Variants in FHIT observed in about 807,000 individuals in gnomAD.
FHIT encodes fragile histidine triad diadenosine triphosphatase.
A neutral mutation model predicts 17.9 loss-of-function variants in FHIT; 19 were observed. The ratio of observed to expected loss-of-function variants is 1.06; its 90% CI spans 0.74 to 1.56. FHIT has a LOEUF of 1.56. FHIT is among the 40% of genes most tolerant of loss of function. The pLI, the probability that FHIT is intolerant of heterozygous loss-of-function variation, is 0.00. For synonymous variants in FHIT, 81 were observed against 69.7 expected, an observed-to-expected ratio of 1.16 and a Z score of -0.81; for missense variants, 248 against 189.2, an observed-to-expected ratio of 1.31 and a Z score of -1.82.
At chr3:61,054,218 A>T (rs2034133435) in intron 2 of FHIT, among the ~76,000 whole-genome samples, 1 of 152,232 alleles carries the variant, frequency 6.6e-6, no homozygotes, top group South Asian at 2.1e-4. Flanking sequence ...AGAGCACTGG[A>T]ACTGTATTTC....
rs188971371 is a variant in FHIT, at chr3:60,193,969, A to G, written c.104-179817T>C. ...GACGACACAAATGTGAAGACATCCAATGATCATGGATTGGAAGAATATCAT... is the reference window on the plus strand; with the variant it reads ...GACGACACAAATGTGAAGACATCCAGTGATCATGGATTGGAAGAATATCAT... On this transcript the variant is annotated intron_variant, in intron 5 of 9. Transcript: ENST00000492590. Among the ~76,000 whole-genome samples the G allele has an allele frequency of 6.6e-5, 10 of 152,350 alleles. No homozygotes were observed. The East Asian group carries it at 1.4e-3, about 21-fold the overall frequency.
chr3:59,954,304 G>A (rs1707285110), intron 7 of FHIT, among the ~76,000 whole-genome samples: 1 of 147,212 alleles, frequency 6.8e-6, no homozygotes. Context: ...TGGGTCTGAA[G>A]ATCCCAGGCT....
intron 7 of FHIT, among the ~76,000 whole-genome samples, chr3:59,970,355 C>A (rs1708118984): frequency 6.6e-6 from 1 of 152,092 alleles, no homozygotes; most frequent in Admixed American, 6.6e-5. Context: ...CGTAAAGAGG[C>A]ACCAATGCTC....
chr3:61,145,607 AT>A (rs2037205666), intron 2 of FHIT, among the ~76,000 whole-genome samples: 1 of 152,106 alleles, frequency 6.6e-6, no homozygotes, highest in African/African-American at 2.4e-5. Flanking sequence ...TACATAGATC[AT>A]TTTGGCCAGT....
At chr3:60,598,176 A>C (rs1359906570) in intron 4 of FHIT, among the ~76,000 whole-genome samples, 1 of 152,138 alleles carries the variant, frequency 6.6e-6, no homozygotes, top group Non-Finnish European at 1.5e-5. Context: ...AATATTCAGA[A>C]ACAAGATTTG....
intron 3 of FHIT, among the ~76,000 whole-genome samples, chr3:60,941,915 G>T (rs1708425140): frequency 6.6e-6 from 1 of 152,098 alleles, no homozygotes; most frequent in Non-Finnish European, 1.5e-5. Context: ...CCTTTGCCCT[G>T]GTAAAATTAG....
At chr3:59,892,296 G>C (rs1344459734) in intron 8 of FHIT, among the ~76,000 whole-genome samples, 1 of 152,220 alleles carries the variant, frequency 6.6e-6, no homozygotes, top group Non-Finnish European at 1.5e-5. Flanking sequence ...CCCAGCATCA[G>C]CACCACTTTG....
intron 4 of FHIT, among the ~76,000 whole-genome samples, chr3:60,666,214 A>G (rs2107834181): frequency 6.6e-6 from 1 of 152,274 alleles, no homozygotes; most frequent in African/African-American, 2.4e-5. Flanking sequence ...TAATCCTCTA[A>G]GATTTCATCT....
At chr3:60,127,350 A>T (rs1322467431) in intron 5 of FHIT, among the ~76,000 whole-genome samples, 4 of 152,180 alleles carry the variant, frequency 2.6e-5, no homozygotes. Context: ...GTTATCTTAC[A>T]ATTAAGTGAT....
Position 60,076,105 on chromosome 3 carries a change from G to A in FHIT, c.104-61953C>T, listed in dbSNP as rs375424484. ...GAGCTGAAATACTTTCATACATCAA[G>A]ACGTAATCATCTAATATTAGGAAAG... On this transcript the variant is annotated intron_variant, in intron 5 of 9. Coordinates refer to ENST00000492590, the MANE Select transcript of FHIT (RefSeq NM_002012.4). Among the ~76,000 whole-genome samples, 847 of 152,162 alleles carry A rather than the reference G, an allele frequency of 5.6e-3. 11 individuals are homozygous for A. Among genetic ancestry groups the A allele is most frequent in the Admixed American group, 9.0e-3 (137 of 15,256 alleles).
intron 5 of FHIT, among the ~76,000 whole-genome samples, chr3:60,123,405 A>G (rs1705347153): frequency 6.6e-6 from 1 of 152,218 alleles, no homozygotes; most frequent in Non-Finnish European, 1.5e-5. Flanking sequence ...AGTCAAAGAC[A>G]TTGTCTTAAT....
At chr3:59,921,173 C>T (rs529439457) in intron 8 of FHIT, among the ~76,000 whole-genome samples, 29 of 152,304 alleles carry the variant, frequency 1.9e-4, no homozygotes, top group African/African-American at 6.0e-4. Context: ...AGCCACCTCA[C>T]GGAATCCAAT....
At chr3:61,198,775 TTCTTTGG>T (rs2038927024) in intron 2 of FHIT, among the ~76,000 whole-genome samples, 2 of 152,172 alleles carry the variant, frequency 1.3e-5, no homozygotes, top group African/African-American at 4.8e-5. Flanking sequence ...GAATTTTCCC[TTCTTTGG>T]TAGCAACATG....
intron 4 of FHIT, among the ~76,000 whole-genome samples, chr3:60,817,602 TC>T (rs1701785829): frequency 6.6e-6 from 1 of 152,022 alleles, no homozygotes; most frequent in African/African-American, 2.4e-5. Context: ...TGAGACGTCA[TC>T]GTTCATTTAA....
intron 2 of FHIT, among the ~76,000 whole-genome samples, chr3:61,188,179 C>A (rs548979964): frequency 4.5e-4 from 69 of 151,980 alleles, no homozygotes; most frequent in African/African-American, 1.6e-3. Flanking sequence ...ATTGATAGAC[C>A]GCTAGCAAGA....
intron 5 of FHIT, among the ~76,000 whole-genome samples, chr3:60,229,501 A>C (rs1704387669): frequency 1.3e-5 from 2 of 152,134 alleles, no homozygotes; most frequent in East Asian, 3.8e-4. Flanking sequence ...GGAGAAGAAC[A>C]ACAGTGCCCA....
chr3:60,850,192 C>T (rs1575596055), intron 3 of FHIT, among the ~76,000 whole-genome samples: 1 of 152,056 alleles, frequency 6.6e-6, no homozygotes, highest in East Asian at 1.9e-4. Context: ...GAGGCCTTCG[C>T]TGACTATCCA....
In FHIT at chr3:60,359,681, G is replaced by A. The variant is rs1450578855; in HGVS notation, c.103+177179C>T. 2.0e-5 allele frequency among the ~76,000 whole-genome samples: 3 copies of A among 152,194 alleles called. No homozygotes were observed. The East Asian group carries it at 5.8e-4, about 29-fold the overall frequency. On this transcript the variant is annotated intron_variant, in intron 5 of 9. Coordinates refer to ENST00000492590, the MANE Select transcript of FHIT (RefSeq NM_002012.4). Reference sequence around the variant, plus strand: ...TTCGCCAAAGAGACAGGAGCAAAAGGTTCTGGTATTTATCATCTGGGCTTT... The same window carrying A: ...TTCGCCAAAGAGACAGGAGCAAAAGATTCTGGTATTTATCATCTGGGCTTT...
intron 2 of FHIT, among the ~76,000 whole-genome samples, chr3:61,104,090 T>C (rs1290829679): frequency 1.3e-5 from 2 of 152,186 alleles, no homozygotes; most frequent in African/African-American, 2.4e-5. Flanking sequence ...TTGATAATTG[T>C]GGATTTGATC....
Sources: gnomAD v4.1 joint callset for allele counts (sites outside exome capture counted in the v4.1 genomes callset) on GRCh38, gnomAD v4.1.1 for gene constraint, MANE v1.5 for transcripts, NCBI Gene and HGNC (gene_info 2026-07-23, HGNC 2026-07-21) for gene names.